Variants in BCKDHB observed in about 807,000 individuals in gnomAD.
BCKDHB encodes branched chain keto acid dehydrogenase E1 subunit beta.
In BCKDHB, 41 loss-of-function variants were observed where a neutral mutation model predicts 48.5. The ratio of observed to expected loss-of-function variants is 0.85; its 90% CI spans 0.66 to 1.10. The LOEUF (loss-of-function observed/expected upper bound fraction) is 1.10, where lower values mean the gene tolerates loss of function less well. Ranked by LOEUF, BCKDHB falls within the 50% of genes least tolerant of loss-of-function variation. BCKDHB has a pLI of 0.00. For synonymous variants in BCKDHB, 201 were observed against 174.8 expected, an observed-to-expected ratio of 1.15 and a Z score of -1.18; for missense variants, 496 against 494.2, an observed-to-expected ratio of 1.00 and a Z score of -0.03.
chr6:80,175,968 G>C (rs541950963), intron 6 of BCKDHB, among the ~76,000 whole-genome samples: 2 of 152,278 alleles, frequency 1.3e-5, no homozygotes, highest in Non-Finnish European at 2.9e-5. Context: ...AATAGAACTT[G>C]CTACAGTGGA....
At chr6:80,433,240 AGTCTGCTGAATCTGT>A in the BCKDHB span, among the ~76,000 whole-genome samples, 1 of 152,168 alleles carries the variant, frequency 6.6e-6, no homozygotes. Flanking sequence ...GGGACGTATA[AGTCTGCTGAATCTGT>A]GTCCGCAGCC....
At chr6:80,282,397 C>T (rs1468170514) in intron 9 of BCKDHB, among the ~76,000 whole-genome samples, 1 of 150,734 alleles carries the variant, frequency 6.6e-6, no homozygotes, top group Non-Finnish European at 1.5e-5. Flanking sequence ...TGTAGATTTC[C>T]TTTGATTCAA....
chr6:80,363,321 G>T, the BCKDHB span, among the ~76,000 whole-genome samples: 1 of 152,048 alleles, frequency 6.6e-6, no homozygotes, highest in Non-Finnish European at 1.5e-5. Flanking sequence ...GAGCATATTG[G>T]CACTGGCATT....
At chr6:80,272,714 TA>T (rs1582480204) in intron 8 of BCKDHB, among the ~76,000 whole-genome samples, 2 of 152,148 alleles carry the variant, frequency 1.3e-5, no homozygotes, top group Admixed American at 6.5e-5. Context: ...TCCTTTTCCA[TA>T]AAACAGTATT....
intron 9 of BCKDHB, among the ~76,000 whole-genome samples, chr6:80,308,164 T>C (rs1449610811): frequency 6.6e-6 from 1 of 152,124 alleles, no homozygotes; most frequent in African/African-American, 2.4e-5. Context: ...TTCCCCCCTA[T>C]GTATACAAGT....
chr6:80,423,105 G>T, the BCKDHB span, among the ~76,000 whole-genome samples: 1 of 152,120 alleles, frequency 6.6e-6, no homozygotes, highest in Non-Finnish European at 1.5e-5. Context: ...TATCATGGGC[G>T]TGGTTTCTGC....
At chr6:80,195,864 A>G (rs565479245) in intron 6 of BCKDHB, among the ~76,000 whole-genome samples, 11 of 152,316 alleles carry the variant, frequency 7.2e-5, no homozygotes, top group East Asian at 5.8e-4. Flanking sequence ...GGAGACTTCA[A>G]ATATGCTGCT....
At chr6:80,452,909 T>G in the BCKDHB span, among the ~76,000 whole-genome samples, 7 of 151,312 alleles carry the variant, frequency 4.6e-5, no homozygotes, top group African/African-American at 1.7e-4. Flanking sequence ...CTATCTTTTC[T>G]TCTACAGTTA....
intron 5 of BCKDHB, chr6:80,169,918 G>A: frequency 6.5e-7 from 1 of 1,534,832 alleles, no homozygotes; most frequent in Non-Finnish European, 8.7e-7. Flanking sequence ...AGTTATTTTT[G>A]TGCTTGAGCT....
chr6:80,295,831 C>G (rs546356958), intron 9 of BCKDHB, among the ~76,000 whole-genome samples: 1 of 151,974 alleles, frequency 6.6e-6, no homozygotes, highest in African/African-American at 2.4e-5. Context: ...GAAGACCCAC[C>G]CCCATGATTC....
chr6:80,202,980 C>A (rs1774466037), intron 7 of BCKDHB, 122 bp from the exon 8 acceptor site: 1 of 737,560 alleles, frequency 1.4e-6, no homozygotes, highest in African/African-American at 1.8e-5. Context: ...TTTATAAATT[C>A]TCCATGCAGA....
chr6:80,269,605 G>T (rs1777651778), intron 8 of BCKDHB, among the ~76,000 whole-genome samples: 2 of 152,036 alleles, frequency 1.3e-5, no homozygotes, highest in Non-Finnish European at 2.9e-5. Context: ...AGTTGGAGAA[G>T]TAGATACTTG....
At chr6:80,246,548 C>G (rs1194583104) in intron 8 of BCKDHB, among the ~76,000 whole-genome samples, 1 of 152,112 alleles carries the variant, frequency 6.6e-6, no homozygotes, top group Non-Finnish European at 1.5e-5. Context: ...TGGGAGGAGA[C>G]ATGAGAATGT....
chr6:80,365,076 AAGC>A, the BCKDHB span, among the ~76,000 whole-genome samples: 3 of 151,940 alleles, frequency 2.0e-5, no homozygotes, highest in Non-Finnish European at 4.4e-5. Flanking sequence ...AAAGGGCAAA[AAGC>A]AGAACTACTA....
intron 9 of BCKDHB, among the ~76,000 whole-genome samples, chr6:80,334,076 G>T (rs1213242059): frequency 6.6e-6 from 1 of 152,060 alleles, no homozygotes; most frequent in Non-Finnish European, 1.5e-5. Context: ...ATGTCTCCCA[G>T]TTCTTGAAAT....
At chr6:80,265,185 A>G (rs997683536) in intron 8 of BCKDHB, among the ~76,000 whole-genome samples, 1 of 152,118 alleles carries the variant, frequency 6.6e-6, no homozygotes, top group Non-Finnish European at 1.5e-5. Context: ...GGCATGACCC[A>G]GCAATTCCAC....
At chr6:80,359,858 G>A in the BCKDHB span, among the ~76,000 whole-genome samples, 2 of 152,182 alleles carry the variant, frequency 1.3e-5, no homozygotes, top group African/African-American at 4.8e-5. Flanking sequence ...CCGAAGTGCT[G>A]GGATTACAGG....
chr6:80,323,175 T>G (rs1032805908), intron 9 of BCKDHB, among the ~76,000 whole-genome samples: 18 of 152,230 alleles, frequency 1.2e-4, no homozygotes, highest in African/African-American at 4.3e-4. Flanking sequence ...AATGAGATAA[T>G]GTCACATGCT....
chr6:80,174,582 A>T (rs1285156123), intron 6 of BCKDHB, among the ~76,000 whole-genome samples: 1 of 152,182 alleles, frequency 6.6e-6, no homozygotes, highest in Non-Finnish European at 1.5e-5. Context: ...TCCAGTTCAA[A>T]CTGTGTTGTT....
Sources: gnomAD v4.1 joint callset for allele counts (sites outside exome capture counted in the v4.1 genomes callset) on GRCh38, gnomAD v4.1.1 for gene constraint, MANE v1.5 for transcripts, NCBI Gene and HGNC (gene_info 2026-07-23, HGNC 2026-07-21) for gene names.